Variants in ADGRF5 observed in about 807,000 individuals in gnomAD.
ADGRF5 encodes adhesion G protein-coupled receptor F5.
In ADGRF5, 75 loss-of-function variants were observed where a neutral mutation model predicts 132.3. That is an observed-to-expected ratio of 0.57 (90% CI 0.47 to 0.69). The LOEUF (loss-of-function observed/expected upper bound fraction) is 0.69. Among genes scored for constraint, ADGRF5 ranks in the 30% least tolerant of loss-of-function variants. The pLI is 0.00. For missense variants in ADGRF5, 1,516 were observed against 1,630.6 expected, an observed-to-expected ratio of 0.93 and a Z score of 1.21; for synonymous variants, 629 against 597.6, an observed-to-expected ratio of 1.05 and a Z score of -0.77.
intron 12 of ADGRF5, among the ~76,000 whole-genome samples, chr6:46,867,556 C>A (rs1770589107): frequency 6.6e-6 from 1 of 152,158 alleles, no homozygotes; most frequent in Admixed American, 6.5e-5. Context: ...TGTTATGACA[C>A]CCCTATCTCC....
At chr6:46,894,233 G>T (rs1014317651) in intron 3 of ADGRF5, among the ~76,000 whole-genome samples, 2 of 152,176 alleles carry the variant, frequency 1.3e-5, no homozygotes, top group African/African-American at 4.8e-5. Context: ...CTAGAAGGTG[G>T]CAATTTGGCA....
In ADGRF5 at chr6:46,906,753, G is replaced by C. The variant is rs777579023; in HGVS notation, c.10C>G (p.Pro4Ala). Reference sequence around the variant, plus strand: ...ATGAGGCACAAAGTGGTTCTCCTTGGGGATTTCATGTCTTCAAGTTTGAGT... The same window carrying C: ...ATGAGGCACAAAGTGGTTCTCCTTGCGGATTTCATGTCTTCAAGTTTGAGT... MKS[P>A]RRTTLCLMFI... The change falls in exon 2 of 21, where the codon CCA (proline) becomes GCA (alanine). Residue 4 changes from proline (P) to alanine (A), a missense_variant. Physicochemically the swap from Pro to Ala is conservative, Grantham distance 27. This residue lies in a region of ADGRF5 where 945 missense variants were observed against 929.4 expected (regional missense o/e 1.02). Coordinates refer to ENST00000283296, the MANE Select transcript of ADGRF5 (RefSeq NM_001098518.2). 6.3e-7 allele frequency: 1 copy of C among 1,579,752 alleles called. No individual in the cohort carries two copies. Among genetic ancestry groups the C allele is most frequent in the Admixed American group, 1.7e-5 (1 of 59,890 alleles).
In ADGRF5 at chr6:46,860,772, A is replaced by T; in HGVS notation, c.2322T>A (p.Ile774=). 6.2e-7 allele frequency: 1 copy of T among 1,613,766 alleles called. No individual in the cohort carries two copies. Among genetic ancestry groups the T allele is most frequent in the Non-Finnish European group, 8.5e-7 (1 of 1,179,646 alleles). Residue 774 remains isoleucine (I), a synonymous_variant, in exon 16 of 21, where the codon ATT becomes ATA. Transcript: ENST00000283296. ...SSSPGSLGAI[I]NILDLLSTVP... Reference sequence around the variant, plus strand: ...CTGTTGAGAGCAGATCAAGGATGTTAATAATGGCTCCCAGACTCCCAGGAG... The same window carrying T: ...CTGTTGAGAGCAGATCAAGGATGTTTATAATGGCTCCCAGACTCCCAGGAG...
chr6:46,873,838 C>T (rs1284426618), intron 10 of ADGRF5, among the ~76,000 whole-genome samples: 2 of 152,306 alleles, frequency 1.3e-5, no homozygotes, highest in South Asian at 2.1e-4. Context: ...TTTCTTTGCA[C>T]TTGGCATTTC....
chr6:46,930,157 T>C (rs1422479024), intron 1 of ADGRF5, among the ~76,000 whole-genome samples: 1 of 152,156 alleles, frequency 6.6e-6, no homozygotes, highest in African/African-American at 2.4e-5. Flanking sequence ...GAATGTTAAG[T>C]GGTTCTTTTT....
intron 3 of ADGRF5, among the ~76,000 whole-genome samples, chr6:46,899,681 T>C (rs987673946): frequency 2.6e-4 from 39 of 152,044 alleles, no homozygotes; most frequent in African/African-American, 9.4e-4. Flanking sequence ...TGTTTTGTTT[T>C]TTTTTTTAAA....
intron 3 of ADGRF5, among the ~76,000 whole-genome samples, chr6:46,894,361 A>G (rs1208707438): frequency 6.6e-6 from 1 of 152,212 alleles, no homozygotes; most frequent in Non-Finnish European, 1.5e-5. Flanking sequence ...ACCCAAGGCT[A>G]TGGGCTACCT....
At chr6:46,884,394 G>T in intron 4 of ADGRF5, 123 bp from the exon 5 acceptor site, 1 of 734,000 alleles carries the variant, frequency 1.4e-6, no homozygotes, top group Non-Finnish European at 2.3e-6. Flanking sequence ...TTACCTTTCT[G>T]AGAAGTTCAA....
At position 46,859,411 on chromosome 6, in the gene ADGRF5, C is replaced by T. The variant is rs370634213; in HGVS notation, c.2492G>A (p.Arg831Lys). The change falls in exon 17 of 21, where the codon AGA becomes AAA. Residue 831 changes from arginine to lysine, a missense_variant. Transcript: ENST00000283296. The part of the protein sequence containing the change: ...QSSQLLHSVE[R>K]FSQALQSGDS... ...TCCCGACTGTAATGCTTGGGAAAAT[C>T]TTTCCACTGAATGTAGTAGCTGTGA... is the stretch of plus-strand genomic sequence containing the variant. 7 of 1,613,324 alleles carry T rather than the reference C, an allele frequency of 4.3e-6. No homozygotes were observed. Among genetic ancestry groups the T allele is most frequent in the Non-Finnish European group, 5.9e-6 (7 of 1,179,408 alleles).
intron 2 of ADGRF5, among the ~76,000 whole-genome samples, chr6:46,902,211 G>A (rs558473973): frequency 6.6e-6 from 1 of 152,304 alleles, no homozygotes; most frequent in African/African-American, 2.4e-5. Context: ...CAGGCAAAAG[G>A]AAGGTTCTTC....
chr6:46,874,084 A>T (rs1443136186), intron 10 of ADGRF5, among the ~76,000 whole-genome samples: 5 of 152,002 alleles, frequency 3.3e-5, no homozygotes, highest in African/African-American at 1.2e-4. Flanking sequence ...CTTAAAACTT[A>T]TTTTTCCTAA....
At chr6:46,928,260 C>T (rs1777355782) in intron 1 of ADGRF5, among the ~76,000 whole-genome samples, 1 of 152,148 alleles carries the variant, frequency 6.6e-6, no homozygotes, top group South Asian at 2.1e-4. Flanking sequence ...CTGGCCTGGT[C>T]AACCCATAGA....
intron 3 of ADGRF5, among the ~76,000 whole-genome samples, chr6:46,898,640 A>T (rs886542488): frequency 1.3e-5 from 2 of 152,188 alleles, no homozygotes; most frequent in Non-Finnish European, 2.9e-5. Flanking sequence ...GAATGTGGTC[A>T]AATTCTCATT....
intron 1 of ADGRF5, among the ~76,000 whole-genome samples, chr6:46,910,710 CAAA>C (rs1467828231): frequency 1.5e-3 from 221 of 152,014 alleles, no homozygotes; most frequent in African/African-American, 5.0e-3. Context: ...ACCAACCAAA[CAAA>C]CAAACAAACA....
In ADGRF5 at chr6:46,865,112, C is replaced by G; in HGVS notation, c.1920G>C (p.Val640=). 4 of 1,610,288 alleles carry G rather than the reference C, an allele frequency of 2.5e-6. No individual in the cohort carries two copies. The highest frequency in any genetic ancestry group is 3.4e-6 in the Non-Finnish European group (4 of 1,176,426). Residue 640 remains valine (V), a synonymous_variant, in exon 14 of 21, where the codon GTG becomes GTC. Coordinates refer to ENST00000283296, the MANE Select transcript of ADGRF5 (RefSeq NM_001098518.2). ...TAGCAGCATTGGTAAAGTGACAACA[C>G]ACATCAACAGTTTTTGAACACCAGG... ...SVSWCSKTVD[V]CCHFTNAANN...
intron 1 of ADGRF5, among the ~76,000 whole-genome samples, chr6:46,937,917 T>C (rs1459496255): frequency 1.3e-5 from 2 of 152,186 alleles, no homozygotes; most frequent in Non-Finnish European, 2.9e-5. Flanking sequence ...CAGAATAGCA[T>C]GTAATTTAAA....
At chr6:46,887,341 C>G (rs1196089788) in intron 4 of ADGRF5, among the ~76,000 whole-genome samples, 1 of 152,126 alleles carries the variant, frequency 6.6e-6, no homozygotes, top group Non-Finnish European at 1.5e-5. Flanking sequence ...TATGTATTTT[C>G]CAAAGTACCC....
At chr6:46,885,352 A>G (rs1772957274) in intron 4 of ADGRF5, among the ~76,000 whole-genome samples, 1 of 152,184 alleles carries the variant, frequency 6.6e-6, no homozygotes, top group Non-Finnish European at 1.5e-5. Flanking sequence ...CACCCAGCTA[A>G]GCTGCTCTAA....
At chr6:46,912,262 T>C (rs1267241017) in intron 1 of ADGRF5, among the ~76,000 whole-genome samples, 3 of 152,192 alleles carry the variant, frequency 2.0e-5, no homozygotes, top group African/African-American at 7.2e-5. Flanking sequence ...CTTAGGGATT[T>C]GTGGAAGATA....
Sources: gnomAD v4.1 joint callset for allele counts (sites outside exome capture counted in the v4.1 genomes callset) on GRCh38, gnomAD v4.1.1 for gene constraint, gnomAD v4.1.1 regional missense constraint, MANE v1.5 for transcripts, NCBI Gene and HGNC (gene_info 2026-07-23, HGNC 2026-07-21) for gene names.